The following ZNF519 variants were observed in gnomAD, a reference collection of about 807,000 sequenced individuals.
ZNF519 encodes zinc finger protein 519, also known as similar to Zinc finger protein 85 (Zinc finger protein HPF4) (HTF1).
A neutral mutation model predicts 7.4 loss-of-function variants in ZNF519; 7 were observed. The ratio of observed to expected loss-of-function variants is 0.94; its 90% CI spans 0.54 to 1.77. The LOEUF is 1.77. Among genes scored for constraint, ZNF519 ranks in the 40% most tolerant of loss-of-function variants. The pLI, the probability that ZNF519 is intolerant of heterozygous loss-of-function variation, is 0.00. For synonymous variants in ZNF519, 179 were observed against 203.3 expected, an observed-to-expected ratio of 0.88 and a Z score of 1.02; for missense variants, 586 against 623.1, an observed-to-expected ratio of 0.94 and a Z score of 0.63.
rs997135963 is a variant in ZNF519 at position 14,104,774 on chromosome 18, T to A, written c.*143A>T. 1.1e-5 allele frequency: 10 copies of A among 944,088 alleles called. No individual in the cohort carries two copies. Among genetic ancestry groups the A allele is most frequent in the Non-Finnish European group, 1.5e-5 (10 of 677,220 alleles). 58.5% of individuals were successfully genotyped at this position (944,088 alleles called of 1,614,324 possible). A position where few individuals can be genotyped will look rare whatever the true frequency, so the allele number is the denominator to read the frequency against. On this transcript the variant is annotated 3_prime_UTR_variant, in exon 3 of 3. Transcript: ENST00000590202. The stretch of plus-strand genomic sequence containing the variant: ...CCTTAGTTCTTTCTAAAGTGACACT[T>A]CTAATTTTTATTTAATCTTCATTTT...
chr18:14,105,676 T>A lies in ZNF519; in HGVS notation c.864A>T (p.Gly288=), dbSNP rs1567947998. The part of the protein sequence containing the change: ...LHLGHQKIHT[G]EKPYKCKKCD... ...ATTTTTTACATTTGTAAGGTTTCTC[T>A]CCAGTATGAATTTTCTGATGTCCAA... The change falls in exon 3 of 3, where the codon GGA becomes GGT. Residue 288 remains glycine (G), a synonymous_variant. Transcript: ENST00000590202. The A allele has an allele frequency of 6.2e-7, 1 of 1,613,530 alleles. No individual in the cohort carries two copies. Among genetic ancestry groups the A allele is most frequent in the Non-Finnish European group, 8.5e-7 (1 of 1,179,934 alleles).
At chr18:14,120,520 T>C (rs771814380) in intron 2 of ZNF519, among the ~76,000 whole-genome samples, 1 of 151,886 alleles carries the variant, frequency 6.6e-6, no homozygotes, top group Non-Finnish European at 1.5e-5. Flanking sequence ...AAGCATAACA[T>C]TGAAAGAAAA....
chr18:14,104,000 T>C lies in ZNF519; in HGVS notation c.*917A>G, dbSNP rs2046174761. On this transcript the variant is annotated 3_prime_UTR_variant, in exon 3 of 3. Coordinates refer to ENST00000590202, the MANE Select transcript of ZNF519 (RefSeq NM_145287.4). ...CATTCAAAAAGCATTCTTATTCTGA[T>C]ACCATGACCTATGTTAAAAAAATGT... 6.6e-6 allele frequency: 1 copy of C among 152,322 alleles called. No homozygotes were observed. Among genetic ancestry groups the C allele is most frequent in the East Asian group, 1.9e-4 (1 of 5,184 alleles). 9.4% of individuals were successfully genotyped at this position (152,322 alleles called of 1,614,324 possible).
chr18:14,106,113 T>C lies in ZNF519; in HGVS notation c.427A>G (p.Asn143Asp), dbSNP rs748466554. 1.9e-6 allele frequency: 3 copies of C among 1,608,692 alleles called. No individual in the cohort carries two copies. Among genetic ancestry groups the C allele is most frequent in the Non-Finnish European group, 2.5e-6 (3 of 1,178,730 alleles). ...TTCAAAAATTTATGTTGATATTTAT[T>C]CATAGGAATACATGGTTCTGTAGGA... Reference protein sequence around the residue: ...AAPTEPCIPMNKYQHKFLKSV... With the variant: ...AAPTEPCIPMDKYQHKFLKSV... The change falls in exon 3 of 3, where the codon AAT becomes GAT. Residue 143 changes from asparagine to aspartate, a missense_variant. Asn to Asp is a conservative substitution (Grantham distance 23). Transcript: ENST00000590202.
At chr18:14,075,809 G>A (rs2046045416), downstream of ZNF519, 1 of 152,050 alleles carries the variant, frequency 6.6e-6, no homozygotes, top group African/African-American at 2.4e-5. Flanking sequence ...GGAAACATGA[G>A]GTCTATTTTA....
chr18:14,087,240 T>C (rs2143090337), intron 2 of ZNF519, among the ~76,000 whole-genome samples: 1 of 152,296 alleles, frequency 6.6e-6, no homozygotes, highest in East Asian at 1.9e-4. Flanking sequence ...TCATACTGAA[T>C]GGGAAAAGCT....
intron 1 of ZNF519, among the ~76,000 whole-genome samples, 160 bp downstream of exon 1, chr18:14,132,115 C>T (rs531303342): frequency 6.6e-6 from 1 of 152,106 alleles, no homozygotes; most frequent in Non-Finnish European, 1.5e-5. Flanking sequence ...CCAAAGCCGC[C>T]GTGCAGGGAC....
intron 2 of ZNF519, among the ~76,000 whole-genome samples, chr18:14,086,961 C>G (rs2046093027): frequency 6.9e-6 from 1 of 144,798 alleles, no homozygotes; most frequent in South Asian, 2.3e-4. Context: ...GGACTATTTC[C>G]CTGAAGAATA....
At position 14,132,378 on chromosome 18, in the gene ZNF519, G is replaced by T. The variant is rs2046335544; in HGVS notation, c.-101C>A. The T allele has an allele frequency of 1.7e-5, 24 of 1,449,582 alleles. No individual in the cohort carries two copies. In the South Asian group the frequency reaches 2.2e-4, roughly 14 times the overall value. 89.8% of individuals were successfully genotyped at this position (1,449,582 alleles called of 1,614,324 possible). ...AGTGGCAGAATCACCGAAGTCTCCC[G>T]GAGCAGAGGACACAAGGCAATGAAG... On this transcript the variant is annotated 5_prime_UTR_variant, in exon 1 of 3. Transcript: ENST00000590202.
intron 2 of ZNF519, among the ~76,000 whole-genome samples, chr18:14,110,879 G>A (rs1479362694): frequency 6.6e-6 from 1 of 152,110 alleles, no homozygotes; most frequent in African/African-American, 2.4e-5. Context: ...AATAGACTTT[G>A]GGGACTTGAG....
At chr18:14,092,386 T>G (rs1422577931) in intron 2 of ZNF519, among the ~76,000 whole-genome samples, 1 of 152,070 alleles carries the variant, frequency 6.6e-6, no homozygotes, top group African/African-American at 2.4e-5. Context: ...ACCCTGATAA[T>G]GAAGTCAAAA....
In ZNF519 at chr18:14,105,913, G is replaced by A; in HGVS notation, c.627C>T (p.Tyr209=). Reference sequence around the variant, plus strand: ...AAGTTTCACCACATTCATTAGAGTTGTAAGGCTTTTTTTGAATATGGATAT... The same window carrying A: ...AAGTTTCACCACATTCATTAGAGTTATAAGGCTTTTTTTGAATATGGATAT... ...PENIHIQKKP[Y]NSNECGETSD... is the part of the protein sequence containing the mutation. The change falls in exon 3 of 3, where the codon TAC becomes TAT. Residue 209 remains tyrosine (Y), a synonymous_variant. Coordinates refer to ENST00000590202, the MANE Select transcript of ZNF519 (RefSeq NM_145287.4). The A allele has an allele frequency of 3.1e-6, 5 of 1,610,354 alleles. No individual in the cohort carries two copies. Among genetic ancestry groups the A allele is most frequent in the Non-Finnish European group, 2.5e-6 (3 of 1,178,904 alleles).
downstream of ZNF519, among the ~76,000 whole-genome samples, chr18:14,099,410 A>C (rs1199598966): frequency 1.3e-5 from 2 of 152,172 alleles, no homozygotes; most frequent in Non-Finnish European, 2.9e-5. Context: ...AGTACATAGT[A>C]GCTGCCCAAT....
In ZNF519 at chr18:14,102,685, A is replaced by T. The variant is rs2046167993; in HGVS notation, c.*2232T>A. ...ATAATTTATTCTCTATATGTTGTAAATTATTTTCTCATTACAAAACAACCT... is the reference window on the plus strand; with the variant it reads ...ATAATTTATTCTCTATATGTTGTAATTTATTTTCTCATTACAAAACAACCT... On this transcript the variant is annotated 3_prime_UTR_variant, in exon 3 of 3. Coordinates refer to ENST00000590202, the MANE Select transcript of ZNF519 (RefSeq NM_145287.4). 1 of 152,168 alleles carries T rather than the reference A, an allele frequency of 6.6e-6. No homozygotes were observed. The highest frequency in any genetic ancestry group is 2.4e-5 in the African/African-American group (1 of 41,432). 9.4% of individuals were successfully genotyped at this position (152,168 alleles called of 1,614,324 possible).
At chr18:14,122,745 A>G (rs550919890) in intron 2 of ZNF519, 1 of 150,314 alleles carries the variant, frequency 6.7e-6, no homozygotes, top group African/African-American at 2.5e-5. Context: ...CCCAAACTAC[A>G]TTTTTTTTTC....
chr18:14,095,431 GCT>G (rs374253413), downstream of ZNF519, among the ~76,000 whole-genome samples: 1 of 152,176 alleles, frequency 6.6e-6, no homozygotes, highest in African/African-American at 2.4e-5. Flanking sequence ...GTTTGTGGCC[GCT>G]GCAGTCATTG....
intron 2 of ZNF519, among the ~76,000 whole-genome samples, chr18:14,123,868 T>G (rs1328730355): frequency 6.6e-6 from 1 of 151,330 alleles, no homozygotes; most frequent in Non-Finnish European, 1.5e-5. Context: ...TAAAGATGAA[T>G]CATCATAAAG....
In ZNF519 at chr18:14,106,150, A is replaced by G; in HGVS notation, c.390T>C (p.Phe130=). 6.2e-7 allele frequency: 1 copy of G among 1,611,928 alleles called. No homozygotes were observed. Among genetic ancestry groups the G allele is most frequent in the Non-Finnish European group, 8.5e-7 (1 of 1,179,490 alleles). The part of the protein sequence containing the change: ...EYRIFQKKPQ[F]LSAAPTEPCI... ...ATGGTTCTGTAGGAGCAGCTGACAG[A>G]AACTGAGGCTTCTTCTGAAATATTC... The change falls in exon 3 of 3, where the codon TTT becomes TTC. Residue 130 remains phenylalanine, a synonymous_variant. Coordinates refer to ENST00000590202, the MANE Select transcript of ZNF519 (RefSeq NM_145287.4).
intron 2 of ZNF519, chr18:14,123,218 T>TAAA (rs34503801): frequency 1.5e-4 from 22 of 144,030 alleles, no homozygotes; most frequent in South Asian, 1.5e-3. Context: ...CTTGTTTTAT[T>TAAA]AAAAAAAAAA....
Sources: allele counts gnomAD v4.1 joint callset (sites outside exome capture counted in the v4.1 genomes callset), GRCh38; gene constraint gnomAD v4.1.1; transcripts MANE v1.5; gene names NCBI Gene and HGNC (gene_info 2026-07-23, HGNC 2026-07-21).